The following SFTPC variants were observed in gnomAD, a reference collection of about 807,000 sequenced individuals.
SFTPC encodes the protein surfactant protein C.
A neutral mutation model predicts 19.9 loss-of-function variants in SFTPC; 12 were observed. The observed-to-expected ratio is 0.60, with a 90% CI of 0.39 to 0.98. The LOEUF is 0.98. SFTPC is among the 50% of genes least tolerant of loss of function. The pLI, the probability that SFTPC is intolerant of heterozygous loss-of-function variation, is 0.00. For missense variants in SFTPC, 219 were observed against 252.2 expected (o/e 0.87, Z 0.89); for synonymous variants, 123 against 103.3 (o/e 1.19, Z -1.16).
intron 2 of SFTPC, 86 bp downstream of exon 2, chr8:22,162,818 G>A (rs1487098811): frequency 1.3e-6 from 2 of 1,529,050 alleles, no homozygotes; most frequent in Non-Finnish European, 9.0e-7. Flanking sequence ...AACTGTCCAA[G>A]GGGAGTGGAG....
At position 22,163,565 on chromosome 8, in the gene SFTPC, A is replaced by G. The variant is rs2131819192; in HGVS notation, c.435+19A>G. On this transcript the variant is annotated intron_variant, in intron 4 of 5. Coordinates refer to ENST00000679463, the MANE Select transcript of SFTPC (RefSeq NM_001317778.2). The stretch of plus-strand genomic sequence containing the variant: ...CTTCCAGGTGTGTGTGTGTGGGTGA[A>G]AAGAGTGGGCTGTCTCCCTCCCAGG... The G allele has an allele frequency of 6.5e-7, 1 of 1,544,564 alleles. No homozygotes were observed. Among genetic ancestry groups the G allele is most frequent in the East Asian group, 2.2e-5 (1 of 44,552 alleles).
In SFTPC at chr8:22,163,919, A is replaced by G. The variant is rs771089238; in HGVS notation, c.454A>G (p.Thr152Ala). Residue 152 changes from threonine (T) to alanine (A), a missense_variant, in exon 5 of 6, where the codon ACG (threonine) becomes GCG (alanine). Physicochemically the swap from Thr to Ala is moderately conservative, Grantham distance 58. Coordinates refer to ENST00000679463, the MANE Select transcript of SFTPC (RefSeq NM_001317778.2). Reference protein sequence around the residue: ...HNFQAKPAVPTSKLGQAEGRD... With the variant: ...HNFQAKPAVPASKLGQAEGRD... ...TCTGCAGGCCAAGCCCGCAGTGCCT[A>G]CGTCTAAGCTGGGCCAGGCAGAGGG... 2.1e-5 allele frequency: 34 copies of G among 1,613,808 alleles called. No individual in the cohort carries two copies. The highest frequency in any genetic ancestry group is 1.3e-4 in the South Asian group (12 of 91,088).
intron 4 of SFTPC, 87 bp from the exon 5 acceptor site, chr8:22,163,814 T>C (rs764914328): frequency 5.6e-6 from 7 of 1,239,964 alleles, no homozygotes; most frequent in Non-Finnish European, 8.3e-6. Context: ...TCAGAGAGAT[T>C]GCCTGATATA....
At chr8:22,162,203 C>A (rs1046941200) in intron 1 of SFTPC, among the ~76,000 whole-genome samples, 10 of 152,200 alleles carry the variant, frequency 6.6e-5, no homozygotes, top group Middle Eastern at 3.4e-3. Flanking sequence ...GGAGCTCGCC[C>A]GGTGGAGAAG....
At position 22,162,666 on chromosome 8, in the gene SFTPC, C is replaced by T. The variant is rs1211620816; in HGVS notation, c.135C>T (p.Leu45=). ...RLLIVVVVVV[L]IVVVIVGALL... ...TTATCGTGGTGGTGGTGGTGGTCCT[C>T]ATCGTCGTGGTGATTGTGGGAGCCC... Residue 45 remains leucine (L), a synonymous_variant, in exon 2 of 6, where the codon CTC becomes CTT. Transcript: ENST00000679463. 8.1e-6 allele frequency: 13 copies of T among 1,614,084 alleles called. No individual in the cohort carries two copies. The highest frequency in any genetic ancestry group is 4.4e-5 in the South Asian group (4 of 91,084).
upstream of SFTPC, among the ~76,000 whole-genome samples, chr8:22,158,197 C>T (rs1349906162): frequency 6.6e-6 from 1 of 152,178 alleles, no homozygotes; most frequent in Admixed American, 6.5e-5. Context: ...CCCAGCTGTC[C>T]CCAGACTCTG....
At chr8:22,163,253 A>G in intron 3 of SFTPC, 51 bp downstream of exon 3, 1 of 1,613,164 alleles carries the variant, frequency 6.2e-7, no homozygotes, top group Non-Finnish European at 8.5e-7. Context: ...AGGCTCTGCT[A>G]GAGCCACCCA....
rs1586424640 is a variant in SFTPC, at chr8:22,164,155, T to C, written c.*18+96T>C. ...CTCGCGCTGACCAGGCGCTGGGGCG[T>C]CCACTGAAGCGGGGTCATCCAGGCA... On this transcript the variant is annotated intron_variant, in intron 5 of 5. Coordinates refer to ENST00000679463, the MANE Select transcript of SFTPC (RefSeq NM_001317778.2). The C allele has an allele frequency of 1.9e-6, 3 of 1,555,762 alleles. No individual in the cohort carries two copies. In the African/African-American group the frequency reaches 4.1e-5, roughly 21 times the overall value.
At chr8:22,160,118 G>A (rs1023189927), upstream of SFTPC, among the ~76,000 whole-genome samples, 1 of 152,228 alleles carries the variant, frequency 6.6e-6, no homozygotes, top group African/African-American at 2.4e-5. Context: ...TGAGGAGGGT[G>A]GTGGGAGCAA....
At position 22,163,849 on chromosome 8, in the gene SFTPC, C is replaced by T. The variant is rs754434830; in HGVS notation, c.436-52C>T. On this transcript the variant is annotated intron_variant, in intron 4 of 5. Coordinates refer to ENST00000679463, the MANE Select transcript of SFTPC (RefSeq NM_001317778.2). The stretch of plus-strand genomic sequence containing the variant: ...ACCTGAAGTCCCACAATAAGGGCTG[C>T]ACATGGGATAGAAACTCACTTCCTA... The T allele has an allele frequency of 8.7e-6, 13 of 1,500,080 alleles. No homozygotes were observed. The East Asian group carries it at 2.3e-4, about 26-fold the overall frequency. 92.9% of individuals were successfully genotyped at this position (1,500,080 alleles called of 1,614,324 possible).
upstream of SFTPC, chr8:22,159,899 C>G (rs8192315): frequency 9.7e-5 from 60 of 618,926 alleles, no homozygotes; most frequent in Non-Finnish European, 1.4e-4. Context: ...ATGATGGGGG[C>G]GGGAGTAAGG....
chr8:22,161,719 G>A, upstream of SFTPC: 1 of 1,610,508 alleles, frequency 6.2e-7, no homozygotes. Flanking sequence ...GGCTTGGCTG[G>A]CACACAGGGG....
At position 22,162,689 on chromosome 8, in the gene SFTPC, C is replaced by T; in HGVS notation, c.158C>T (p.Ala53Val). 6.2e-7 allele frequency: 1 copy of T among 1,614,166 alleles called. No individual in the cohort carries two copies. The highest frequency in any genetic ancestry group is 8.5e-7 in the Non-Finnish European group (1 of 1,180,038). ...CTCATCGTCGTGGTGATTGTGGGAG[C>T]CCTGCTCATGGGTCTCCACATGAGC... is the stretch of plus-strand genomic sequence containing the variant. ...VVLIVVVIVGALLMGLHMSQK... is the reference protein window; with the variant it reads ...VVLIVVVIVGVLLMGLHMSQK... The change falls in exon 2 of 6, where the codon GCC becomes GTC. Residue 53 changes from alanine to valine, a missense_variant. Physicochemically the swap from Ala to Val is moderately conservative, Grantham distance 64. Coordinates refer to ENST00000679463, the MANE Select transcript of SFTPC (RefSeq NM_001317778.2).
upstream of SFTPC, among the ~76,000 whole-genome samples, chr8:22,160,813 G>T (rs1827686091): frequency 6.6e-6 from 1 of 152,200 alleles, no homozygotes; most frequent in African/African-American, 2.4e-5. Flanking sequence ...CATAGAGATG[G>T]CTTTGGGAAG....
At chr8:22,162,008 A>T (rs1047463188) in intron 1 of SFTPC, 138 bp downstream of exon 1, 1 of 931,522 alleles carries the variant, frequency 1.1e-6, no homozygotes, top group Non-Finnish European at 1.7e-6. Context: ...ATAAGTCAGG[A>T]TGGGGACACC....
Position 22,164,025 on chromosome 8 carries a change from C to T in SFTPC, c.560C>T (p.Pro187Leu), listed in dbSNP as rs1256943821. The change falls in exon 5 of 6, where the codon CCG becomes CTG. Residue 187 changes from proline (P) to leucine (L), a missense_variant. Physicochemically the swap from Pro to Leu is moderately conservative, Grantham distance 98 (BLOSUM62 -3). Transcript: ENST00000679463. ...GTGAGCACCCTGTGTGGCGAGGTGCCGCTCTACTACATCTAGGACGCCTCC... is the reference window on the plus strand; with the variant it reads ...GTGAGCACCCTGTGTGGCGAGGTGCTGCTCTACTACATCTAGGACGCCTCC... Reference protein sequence around the residue: ...MAVSTLCGEVPLYYI With the variant: ...MAVSTLCGEVLLYYI The T allele has an allele frequency of 1.1e-5, 17 of 1,611,992 alleles. No individual in the cohort carries two copies. The highest frequency in any genetic ancestry group is 1.4e-5 in the Non-Finnish European group (16 of 1,180,026).
chr8:22,160,978 G>A (rs543221202), upstream of SFTPC, among the ~76,000 whole-genome samples: 12 of 152,190 alleles, frequency 7.9e-5, no homozygotes, highest in East Asian at 3.9e-4. Flanking sequence ...GAGCTGATTC[G>A]AGGATGGGGA....
Position 22,163,462 on chromosome 8 carries a change from T to G in SFTPC, c.351T>G (p.Pro117=), listed in dbSNP as rs35457216. The change falls in exon 4 of 6, where the codon CCT becomes CCG. Residue 117 remains proline (P), a synonymous_variant. Transcript: ENST00000679463. ...QQLLIAYKPA[P]GTCCYIMKIA... ...TGCTGATCGCCTACAAGCCAGCCCC[T>G]GGCACCTGCTGCTACATCATGAAGA... 1.1e-3 allele frequency: 1,704 copies of G among 1,614,062 alleles called. 19 individuals carry two copies. The African/African-American group carries it at 0.021, about 20-fold the overall frequency.
chr8:22,157,928 A>G (rs1022178453), upstream of SFTPC, among the ~76,000 whole-genome samples: 3 of 152,228 alleles, frequency 2.0e-5, no homozygotes, highest in Admixed American at 1.3e-4. Context: ...CTCAGTAAAT[A>G]TCAACAGACA....
Sources: allele counts gnomAD v4.1 joint callset (sites outside exome capture counted in the v4.1 genomes callset), GRCh38; gene constraint gnomAD v4.1.1; transcripts MANE v1.5; gene names NCBI Gene and HGNC (gene_info 2026-07-23, HGNC 2026-07-21).